The following SP2 variants were observed in gnomAD, a reference collection of about 807,000 sequenced individuals.
SP2 encodes the protein Sp2 transcription factor, also known as transcription factor Sp2.
SP2 carries 9 observed loss-of-function variants against 50.1 expected under a neutral mutation model. That is an observed-to-expected ratio of 0.18 (90% CI 0.11 to 0.31). The LOEUF (loss-of-function observed/expected upper bound fraction) is 0.31. SP2 is among the 10% of genes least tolerant of loss of function. The pLI is 1.00. For missense variants in SP2, 581 were observed against 806.5 expected, an observed-to-expected ratio of 0.72 and a Z score of 3.39; for synonymous variants, 313 against 326.6, an observed-to-expected ratio of 0.96 and a Z score of 0.45.
intron 1 of SP2, among the ~76,000 whole-genome samples, chr17:47,900,692 A>T (rs2034505038): frequency 6.6e-6 from 1 of 152,192 alleles, no homozygotes; most frequent in Non-Finnish European, 1.5e-5. Context: ...CACGGGAATC[A>T]CTTGAACCCA....
chr17:47,914,307 G>T (rs1430479753), intron 1 of SP2, among the ~76,000 whole-genome samples: 1 of 151,756 alleles, frequency 6.6e-6, no homozygotes, highest in Admixed American at 6.6e-5. Flanking sequence ...GGAGGTGGAG[G>T]TTGCAATGAG....
At chr17:47,915,002 C>T (rs1397088682) in intron 1 of SP2, 2 of 185,870 alleles carry the variant, frequency 1.1e-5, no homozygotes, top group Non-Finnish European at 2.2e-5. Flanking sequence ...CACCTGAAGA[C>T]AGGAATTCGA....
chr17:47,912,674 GCCTCAAGCAAT>G (rs1458791732), intron 1 of SP2, among the ~76,000 whole-genome samples: 2 of 148,982 alleles, frequency 1.3e-5, no homozygotes, highest in African/African-American at 5.0e-5. Context: ...CAAATTCCTG[GCCTCAAGCAAT>G]CCTCCCACTT....
chr17:47,921,062 G>T (rs930318661), intron 3 of SP2, among the ~76,000 whole-genome samples: 1 of 152,058 alleles, frequency 6.6e-6, no homozygotes, highest in Non-Finnish European at 1.5e-5. Context: ...CATGTTTCAA[G>T]GTTCATCCTG....
chr17:47,925,822 A>G (rs12939739), intron 6 of SP2, among the ~76,000 whole-genome samples: 72,428 of 150,434 alleles, frequency 0.48, 17,573 homozygotes, highest in East Asian at 0.76. Context: ...CTGACATGGT[A>G]TGCCAAGCAC....
chr17:47,907,022 G>A (rs2034790614), intron 1 of SP2, among the ~76,000 whole-genome samples: 1 of 152,134 alleles, frequency 6.6e-6, no homozygotes, highest in South Asian at 2.1e-4. Context: ...GGAGAGGTGG[G>A]AGAAAATCCA....
chr17:47,911,674 C>T (rs573823240), intron 1 of SP2, among the ~76,000 whole-genome samples: 150 of 151,892 alleles, frequency 9.9e-4, no homozygotes, highest in African/African-American at 3.6e-3. Flanking sequence ...GGCGTGGTGG[C>T]GGGCATCTGT....
chr17:47,925,991 A>G (rs1268232263), intron 6 of SP2, among the ~76,000 whole-genome samples: 3 of 134,088 alleles, frequency 2.2e-5, no homozygotes, highest in Admixed American at 9.3e-5. Context: ...ATCTCAGCTC[A>G]CTGCAGCCTC....
intron 1 of SP2, among the ~76,000 whole-genome samples, chr17:47,915,018 G>T (rs1346158694): frequency 6.6e-6 from 1 of 152,090 alleles, no homozygotes; most frequent in Non-Finnish European, 1.5e-5. Context: ...TTCGAGATCA[G>T]TCTGGACAAC....
intron 1 of SP2, among the ~76,000 whole-genome samples, chr17:47,905,929 T>TG (rs945618146): frequency 6.6e-6 from 1 of 151,934 alleles, no homozygotes; most frequent in African/African-American, 2.4e-5. Context: ...ATTCCAGAAA[T>TG]GAAAAACTGA....
intron 1 of SP2, chr17:47,908,467 C>T (rs1403503035): frequency 6.6e-6 from 1 of 152,132 alleles, no homozygotes; most frequent in African/African-American, 2.4e-5. Flanking sequence ...ACAAACTCAT[C>T]TTGTATTTTT....
chr17:47,911,999 C>T (rs2143901097), intron 1 of SP2, among the ~76,000 whole-genome samples: 1 of 152,238 alleles, frequency 6.6e-6, no homozygotes, highest in East Asian at 1.9e-4. Context: ...GCCCAAGTTT[C>T]CTCCTTGTTT....
chr17:47,915,537 C>A (rs955506639), intron 2 of SP2, 149 bp downstream of exon 2: 55 of 512,344 alleles, frequency 1.1e-4, no homozygotes, highest in Non-Finnish European at 1.6e-4. Flanking sequence ...TACTGAGAAA[C>A]TATGGCCATT....
chr17:47,897,883 C>T (rs1443073913), intron 1 of SP2: 1 of 983,656 alleles, frequency 1.0e-6, no homozygotes, highest in Non-Finnish European at 1.2e-6. Context: ...TTCTAACAGG[C>T]GTTAATACCT....
chr17:47,897,904 G>C (rs1455008956), intron 1 of SP2: 1 of 980,338 alleles, frequency 1.0e-6, no homozygotes, highest in East Asian at 1.1e-4. Flanking sequence ...GTTGGAAATG[G>C]ATTATCATTG....
chr17:47,911,813 A>AG (rs2143897990), intron 1 of SP2, among the ~76,000 whole-genome samples: 1 of 152,204 alleles, frequency 6.6e-6, no homozygotes, highest in African/African-American at 2.4e-5. Context: ...TCAAAAAAAA[A>AG]AAAAAAAATC....
At chr17:47,910,339 A>C (rs1413323308) in intron 1 of SP2, among the ~76,000 whole-genome samples, 2 of 152,230 alleles carry the variant, frequency 1.3e-5, no homozygotes, top group African/African-American at 4.8e-5. Context: ...GGAAACTTTC[A>C]TTGCATGAGC....
Position 47,916,020 on chromosome 17 carries a change from G to A in SP2, c.85-136G>A, listed in dbSNP as rs113273062. 4.6e-3 allele frequency: 4,480 copies of A among 965,866 alleles called. 17 individuals are homozygous for A. Among genetic ancestry groups the A allele is most frequent in the Middle Eastern group, 8.6e-3 (25 of 2,922 alleles). 59.8% of individuals were successfully genotyped at this position (965,866 alleles called of 1,614,324 possible). Reference sequence around the variant, plus strand: ...GGGGAGACAGCAGCCAAGCAGGGGAGGGTACTGGCAACATGCCTGCCCCGG... The same window carrying A: ...GGGGAGACAGCAGCCAAGCAGGGGAAGGTACTGGCAACATGCCTGCCCCGG... On this transcript the variant is annotated intron_variant, in intron 2 of 6. Coordinates refer to ENST00000376741, the MANE Select transcript of SP2 (RefSeq NM_003110.6). The surrounding 1 kb of genome is among the most constrained non-coding windows in gnomAD (Gnocchi z 4.7).
intron 6 of SP2, among the ~76,000 whole-genome samples, chr17:47,927,302 G>A (rs563825094): frequency 2.0e-5 from 3 of 152,192 alleles, no homozygotes; most frequent in African/African-American, 7.2e-5. Context: ...GGAAGGCCAA[G>A]GTGGGCGGAT....
Sources: allele counts gnomAD v4.1 joint callset (sites outside exome capture counted in the v4.1 genomes callset), GRCh38; gene constraint gnomAD v4.1.1; non-coding constraint Gnocchi (gnomAD v3.1); transcripts MANE v1.5; gene names NCBI Gene and HGNC (gene_info 2026-07-23, HGNC 2026-07-21).